Variants in PCNX1 observed in about 807,000 individuals in gnomAD.
PCNX1 encodes pecanex-like protein 1.
PCNX1 carries 78 observed loss-of-function variants against 242.2 expected under a neutral mutation model. That is an observed-to-expected ratio of 0.32 (90% CI 0.27 to 0.39). The LOEUF is 0.39. Ranked by LOEUF, PCNX1 falls within the 10% of genes least tolerant of loss-of-function variation. PCNX1 has a pLI of 1.00. For synonymous variants in PCNX1, 1,024 were observed against 1,032.9 expected, an observed-to-expected ratio of 0.99 and a Z score of 0.17; for missense variants, 2,581 against 2,856.5, an observed-to-expected ratio of 0.90 and a Z score of 2.20.
At chr14:70,947,585 C>G (rs1464440721) in intron 2 of PCNX1, among the ~76,000 whole-genome samples, 2 of 152,108 alleles carry the variant, frequency 1.3e-5, no homozygotes, top group Non-Finnish European at 2.9e-5. Flanking sequence ...TATGCCTGTC[C>G]TTTAATCTCT....
intron 33 of PCNX1, among the ~76,000 whole-genome samples, chr14:71,106,161 A>T (rs914566394): frequency 2.9e-4 from 44 of 151,706 alleles, no homozygotes; most frequent in Non-Finnish European, 5.3e-4. Flanking sequence ...CTACAGGTGC[A>T]TGCCACTGCG....
At position 70,907,700 on chromosome 14, in the gene PCNX1, C is replaced by T; in HGVS notation, c.-151C>T. On this transcript the variant is annotated 5_prime_UTR_variant, in exon 1 of 36. Coordinates refer to ENST00000304743, the MANE Select transcript of PCNX1 (RefSeq NM_014982.3). ...CTGCCTCCTCCTCCTCCTGCAGCAG[C>T]ACCAGCGACCGCCGAAGCGCCGGCT... 2.1e-6 allele frequency: 2 copies of T among 956,814 alleles called. No homozygotes were observed. The highest frequency in any genetic ancestry group is 2.6e-6 in the Non-Finnish European group (2 of 757,674). The allele number at this position is 956,814 out of a possible 1,614,324, so 59.3% of individuals were successfully genotyped here.
intron 16 of PCNX1, among the ~76,000 whole-genome samples, chr14:71,029,843 G>A (rs1317286833): frequency 6.6e-6 from 1 of 152,216 alleles, no homozygotes; most frequent in Non-Finnish European, 1.5e-5. Context: ...AGAAAGGTAA[G>A]CAAAGGCTGG....
intron 1 of PCNX1, among the ~76,000 whole-genome samples, chr14:70,912,110 C>A (rs1042847438): frequency 1.3e-5 from 2 of 152,036 alleles, no homozygotes; most frequent in Admixed American, 1.3e-4. Flanking sequence ...TGGCGGGCGC[C>A]TGTAGTCCCA....
At chr14:70,914,118 A>G (rs371645255) in intron 1 of PCNX1, among the ~76,000 whole-genome samples, 5 of 152,218 alleles carry the variant, frequency 3.3e-5, no homozygotes, top group South Asian at 4.1e-4. Flanking sequence ...GTTCTCACTT[A>G]TAAGTGGGAG....
chr14:71,040,017 G>T (rs1027099477), intron 19 of PCNX1, among the ~76,000 whole-genome samples: 2 of 151,976 alleles, frequency 1.3e-5, no homozygotes, highest in African/African-American at 2.4e-5. Flanking sequence ...TCACTATGTT[G>T]CCCAGGCTGG....
intron 5 of PCNX1, among the ~76,000 whole-genome samples, chr14:70,976,713 A>G (rs1404345467): frequency 6.6e-6 from 1 of 151,062 alleles, no homozygotes; most frequent in African/African-American, 2.4e-5. Flanking sequence ...AGTCTATACA[A>G]CTCTTTCTGA....
At chr14:71,059,011 A>G (rs1422624899) in intron 26 of PCNX1, among the ~76,000 whole-genome samples, 1 of 152,110 alleles carries the variant, frequency 6.6e-6, no homozygotes, top group Non-Finnish European at 1.5e-5. Flanking sequence ...TGTGACTTTT[A>G]GCTTCCTTTT....
rs531984353 is a variant in PCNX1 at position 71,037,201 on chromosome 14, G to A, written c.3867+1044G>A. 9.0e-3 allele frequency among the ~76,000 whole-genome samples: 1,328 copies of A among 148,158 alleles called. 10 individuals are homozygous for A. The highest frequency in any genetic ancestry group is 0.012 in the Non-Finnish European group (830 of 66,650). The stretch of plus-strand genomic sequence containing the variant: ...AGGAGATTTTGGGCTGAGACAATGG[G>A]GTTTTCTAGATATACAATCATGTCA... On this transcript the variant is annotated intron_variant, in intron 19 of 35. Coordinates refer to ENST00000304743, the MANE Select transcript of PCNX1 (RefSeq NM_014982.3).
At chr14:70,909,125 T>TGAG (rs1234801563) in intron 1 of PCNX1, among the ~76,000 whole-genome samples, 1 of 152,092 alleles carries the variant, frequency 6.6e-6, no homozygotes, top group East Asian at 1.9e-4. Context: ...GTGCAAAAGG[T>TGAG]GAGGACACCC....
At chr14:71,054,414 G>A (rs1336775510) in intron 24 of PCNX1, among the ~76,000 whole-genome samples, 3 of 152,084 alleles carry the variant, frequency 2.0e-5, no homozygotes, top group Non-Finnish European at 2.9e-5. Context: ...ACCACCAATC[G>A]GAAAGAAATT....
intron 26 of PCNX1, among the ~76,000 whole-genome samples, chr14:71,073,147 G>T (rs910529382): frequency 6.6e-6 from 1 of 152,154 alleles, no homozygotes; most frequent in Non-Finnish European, 1.5e-5. Context: ...ACAAAAATTA[G>T]CTGGGCCTGG....
At position 71,113,355 on chromosome 14, in the gene PCNX1, T is replaced by G. The variant is rs766641334; in HGVS notation, c.*3420T>G. The G allele has an allele frequency of 6.6e-6, 1 of 152,612 alleles. No homozygotes were observed. The highest frequency in any genetic ancestry group is 1.5e-5 in the Non-Finnish European group (1 of 68,032). The allele number at this position is 152,612 out of a possible 1,614,324, so 9.5% of individuals were successfully genotyped here. A position where few individuals can be genotyped will look rare whatever the true frequency, so the allele number is the denominator to read the frequency against. ...TGTATCCTAAGTGAGATATGGAAAATTACTCTGTATACTAAATGTCAGGCA... is the reference window on the plus strand; with the variant it reads ...TGTATCCTAAGTGAGATATGGAAAAGTACTCTGTATACTAAATGTCAGGCA... On this transcript the variant is annotated 3_prime_UTR_variant, in exon 36 of 36. Coordinates refer to ENST00000304743, the MANE Select transcript of PCNX1 (RefSeq NM_014982.3).
At position 71,103,533 on chromosome 14, in the gene PCNX1, C is replaced by G; in HGVS notation, c.5959C>G (p.Gln1987Glu). The G allele has an allele frequency of 6.2e-7, 1 of 1,614,154 alleles. No individual in the cohort carries two copies. The highest frequency in any genetic ancestry group is 8.5e-7 in the Non-Finnish European group (1 of 1,180,016). ...LRNMINSSCD[Q>E]PIGYPIFVSP... ...AAACATGATAAACTCATCTTGTGAT[C>G]AACCTATTGGCTACCCAATCTTTGT... The change falls in exon 32 of 36, where the codon CAA becomes GAA. Residue 1987 changes from glutamine to glutamate, a missense_variant. By Grantham distance (29) the Gln-to-Glu change is conservative (BLOSUM62 2). Around this residue, in one of 9 missense-constraint regions of PCNX1, gnomAD observed 298 missense variants for 480.1 expected, o/e 0.62. Coordinates refer to ENST00000304743, the MANE Select transcript of PCNX1 (RefSeq NM_014982.3).
intron 3 of PCNX1, among the ~76,000 whole-genome samples, chr14:70,965,743 A>G (rs2058359702): frequency 1.3e-5 from 2 of 151,652 alleles, no homozygotes; most frequent in South Asian, 4.2e-4. Context: ...ATTTCATAGG[A>G]TAAAATAATT....
Position 71,105,243 on chromosome 14 carries a change from A to C in PCNX1, c.6104A>C (p.Lys2035Thr). The C allele has an allele frequency of 6.2e-7, 1 of 1,613,600 alleles. No individual in the cohort carries two copies. Among genetic ancestry groups the C allele is most frequent in the Non-Finnish European group, 8.5e-7 (1 of 1,179,512 alleles). The change falls in exon 33 of 36, where the codon AAA becomes ACA. Residue 2035 changes from lysine to threonine, a missense_variant. Physicochemically the swap from Lys to Thr is moderately conservative, Grantham distance 78. Around this residue, in one of 9 missense-constraint regions of PCNX1, gnomAD observed 432 missense variants for 433.6 expected, o/e 1.00. Transcript: ENST00000304743. ...FIVSTWHRLR[K>T]GCGAGCNSGG... ...CTGGTATTTGTTCCTAGGCTTAGGA[A>C]AGGTTGCGGAGCTGGATGTAACAGT...
intron 8 of PCNX1, among the ~76,000 whole-genome samples, chr14:70,996,403 C>A (rs1483858192): frequency 6.6e-6 from 1 of 152,022 alleles, no homozygotes; most frequent in Non-Finnish European, 1.5e-5. Context: ...TATTTTAATT[C>A]AAAATACAGT....
intron 30 of PCNX1, among the ~76,000 whole-genome samples, chr14:71,089,660 C>T (rs1376239753): frequency 1.3e-5 from 2 of 152,266 alleles, no homozygotes; most frequent in South Asian, 2.1e-4. Context: ...AGAACAGCAG[C>T]ATGGGGGTAA....
intron 18 of PCNX1, among the ~76,000 whole-genome samples, chr14:71,034,738 A>G (rs938194415): frequency 5.3e-5 from 8 of 152,160 alleles, no homozygotes; most frequent in Non-Finnish European, 1.2e-4. Context: ...AGTGCACTTG[A>G]CCTGTTCACA....
Sources: allele counts gnomAD v4.1 joint callset (sites outside exome capture counted in the v4.1 genomes callset), GRCh38; gene constraint gnomAD v4.1.1; regional missense constraint gnomAD v4.1.1; transcripts MANE v1.5; gene names NCBI Gene and HGNC (gene_info 2026-07-23, HGNC 2026-07-21).